FBLIM1: variants seen among roughly 807,000 people sequenced by gnomAD.
FBLIM1 encodes filamin-binding LIM protein 1.
A neutral mutation model predicts 37.4 loss-of-function variants in FBLIM1; 29 were observed. The ratio of observed to expected loss-of-function variants is 0.77; its 90% CI spans 0.58 to 1.06. FBLIM1 has a LOEUF of 1.06. FBLIM1 is among the 50% of genes least tolerant of loss of function. The probability of loss-of-function intolerance (pLI) is 0.00; values close to 1 mark genes in which losing one functional copy is unlikely to be tolerated. For synonymous variants in FBLIM1, 193 were observed against 199.0 expected (o/e 0.97, Z 0.25); for missense variants, 449 against 505.6 (o/e 0.89, Z 1.07).
In FBLIM1 at chr1:15,765,942, G is replaced by T. The variant is rs116074605; in HGVS notation, c.250+709G>T. On this transcript the variant is annotated intron_variant, in intron 3 of 8. Transcript: ENST00000375766. The surrounding 1 kb of genome is among the most constrained non-coding windows in gnomAD (Gnocchi z 5.9). Reference sequence around the variant, plus strand: ...TCTCCAAGACCTGGTTCCTGACTCCGTGAGCTCATCGGAGCCTCTTTCTCT... The same window carrying T: ...TCTCCAAGACCTGGTTCCTGACTCCTTGAGCTCATCGGAGCCTCTTTCTCT... Among the ~76,000 whole-genome samples, 290 of 152,232 alleles carry T rather than the reference G, an allele frequency of 1.9e-3. 1 individual carries two copies. The highest frequency in any genetic ancestry group is 6.4e-3 in the African/African-American group (266 of 41,542).
chr1:15,769,822 G>C (rs979731575), intron 5 of FBLIM1, among the ~76,000 whole-genome samples: 1 of 152,056 alleles, frequency 6.6e-6, no homozygotes, highest in Non-Finnish European at 1.5e-5. Flanking sequence ...TTTTAGTAGA[G>C]ACAGGGTTTC....
At chr1:15,761,090 C>T (rs1446248035) in intron 1 of FBLIM1, among the ~76,000 whole-genome samples, 1 of 152,064 alleles carries the variant, frequency 6.6e-6, no homozygotes, top group Non-Finnish European at 1.5e-5. Flanking sequence ...CAGGCAGATC[C>T]GACTTCCCGG....
intron 7 of FBLIM1, among the ~76,000 whole-genome samples, chr1:15,776,502 G>A (rs1030276354): frequency 2.6e-5 from 4 of 152,088 alleles, no homozygotes; most frequent in East Asian, 1.9e-4. Flanking sequence ...ACAGATAACC[G>A]CTGGACTCAA....
intron 4 of FBLIM1, 61 bp downstream of exon 4, chr1:15,767,624 T>A: frequency 1.9e-6 from 1 of 532,302 alleles, no homozygotes; most frequent in Non-Finnish European, 3.2e-6. Context: ...GCACGGGGAG[T>A]CTGGGCCTTC....
chr1:15,773,789 A>G (rs1569839549), intron 6 of FBLIM1, among the ~76,000 whole-genome samples: 1 of 152,204 alleles, frequency 6.6e-6, no homozygotes, highest in East Asian at 1.9e-4. Context: ...AAAGACATCC[A>G]AACAGAAGGA....
intron 8 of FBLIM1, among the ~76,000 whole-genome samples, chr1:15,777,627 G>A (rs111403379): frequency 0.014 from 2,026 of 148,018 alleles, 57 homozygotes; most frequent in African/African-American, 0.044. Flanking sequence ...AGGCTGGAGC[G>A]AAGTGGTGCG....
At chr1:15,781,875 C>T (rs1337830623) in intron 8 of FBLIM1, among the ~76,000 whole-genome samples, 60 of 63,926 alleles carry the variant, frequency 9.4e-4, no homozygotes, top group Non-Finnish European at 1.3e-3. Context: ...CCTGCCACCA[C>T]GCCTGGCTAA....
chr1:15,781,538 AAT>A (rs1491020216), intron 8 of FBLIM1, among the ~76,000 whole-genome samples: 228 of 5,046 alleles, frequency 0.045, 14 homozygotes, highest in African/African-American at 0.12. Flanking sequence ...AAAAAAAAAA[AAT>A]AATGAGGCTC....
chr1:15,770,679 A>C (rs1283536511), intron 6 of FBLIM1, 101 bp downstream of exon 6: 20 of 1,352,394 alleles, frequency 1.5e-5, no homozygotes, highest in Non-Finnish European at 1.9e-5. Context: ...AGTAGGCACT[A>C]TTGACCCCTT....
intron 8 of FBLIM1, among the ~76,000 whole-genome samples, chr1:15,783,599 G>A: frequency 9.0e-6 from 1 of 111,116 alleles, no homozygotes; most frequent in Admixed American, 1.2e-4. Flanking sequence ...TTTTTGAGAT[G>A]GAGTCTCGCT....
At chr1:15,776,359 A>G (rs1305156681) in intron 7 of FBLIM1, among the ~76,000 whole-genome samples, 1 of 152,232 alleles carries the variant, frequency 6.6e-6, no homozygotes, top group Non-Finnish European at 1.5e-5. Context: ...CTAAGTACCC[A>G]AAGTCTCTCC....
chr1:15,758,780 A>G (rs2068517176), upstream of FBLIM1: 1 of 137,540 alleles, frequency 7.3e-6, no homozygotes, highest in African/African-American at 2.7e-5. The surrounding 1 kb of genome is among the most constrained non-coding windows in gnomAD (Gnocchi z 6.2). Flanking sequence ...AGGGGACGGG[A>G]GGCCCAGCGG....
At chr1:15,777,693 C>T (rs935670919) in intron 8 of FBLIM1, among the ~76,000 whole-genome samples, 1 of 151,862 alleles carries the variant, frequency 6.6e-6, no homozygotes, top group South Asian at 2.1e-4. Flanking sequence ...CTGCCTCAGC[C>T]TCCCGAGTAG....
At chr1:15,777,449 A>G (rs949707195) in intron 8 of FBLIM1, among the ~76,000 whole-genome samples, 162 bp downstream of exon 8, 1 of 151,988 alleles carries the variant, frequency 6.6e-6, no homozygotes, top group Admixed American at 6.6e-5. Context: ...ACCATAGTCT[A>G]TTATCAACTC....
In FBLIM1 at chr1:15,772,057, T is replaced by G. The variant is rs898244144; in HGVS notation, c.711+1479T>G. On this transcript the variant is annotated intron_variant, in intron 6 of 8. Transcript: ENST00000375766. ...GGATGGTTTGTGGTGGCATGTTGAG[T>G]GTGGTGACCACCCACAGCCGCATCC... 4.6e-5 allele frequency among the ~76,000 whole-genome samples: 7 copies of G among 152,178 alleles called. No homozygotes were observed. In the East Asian group the frequency reaches 5.8e-4, roughly 13 times the overall value.
At chr1:15,780,175 G>A (rs2069599709) in intron 8 of FBLIM1, among the ~76,000 whole-genome samples, 1 of 151,524 alleles carries the variant, frequency 6.6e-6, no homozygotes, top group African/African-American at 2.4e-5. Flanking sequence ...ACATGCATGA[G>A]CCACTGCGCA....
At position 15,765,082 on chromosome 1, in the gene FBLIM1, A is replaced by G. The variant is rs2068852953; in HGVS notation, c.99A>G (p.Ala33=). The change falls in exon 3 of 9, where the codon GCA becomes GCG. Residue 33 remains alanine (A), a synonymous_variant. Transcript: ENST00000375766. The surrounding 1 kb of genome is among the most constrained non-coding windows in gnomAD (Gnocchi z 5.9). ...CCGTGGCGGAGGAAGTGAGGCAGGC[A>G]GTTTGTGAGGCCCGGCGTGGCCGCC... ...DVAVAEEVRQ[A]VCEARRGRPW... 6.2e-7 allele frequency: 1 copy of G among 1,613,846 alleles called. No individual in the cohort carries two copies. Among genetic ancestry groups the G allele is most frequent in the Non-Finnish European group, 8.5e-7 (1 of 1,179,948 alleles).
intron 8 of FBLIM1, 33 bp downstream of exon 8, chr1:15,777,320 C>G: frequency 6.6e-7 from 1 of 1,524,728 alleles, no homozygotes; most frequent in Non-Finnish European, 9.1e-7. Flanking sequence ...AATAACATTC[C>G]ATTGCTGCGT....
chr1:15,764,596 G>A lies in FBLIM1; in HGVS notation c.-110G>A, dbSNP rs1403159232. The A allele has an allele frequency of 5.1e-6, 1 of 197,982 alleles. No homozygotes were observed. The highest frequency in any genetic ancestry group is 1.0e-5 in the Non-Finnish European group (1 of 98,770). The allele number at this position is 197,982 out of a possible 1,614,324, so 12.3% of individuals were successfully genotyped here. On this transcript the variant is annotated 5_prime_UTR_variant, in exon 2 of 9. Coordinates refer to ENST00000375766, the MANE Select transcript of FBLIM1 (RefSeq NM_017556.4). ...GGCCCAGCAGGCAGGCGGGACTCCA[G>A]ACTGGGAACGGAAGTCAGCCCTGCT...
Sources: gnomAD v4.1 joint callset for allele counts (sites outside exome capture counted in the v4.1 genomes callset) on GRCh38, gnomAD v4.1.1 for gene constraint, Gnocchi (gnomAD v3.1) non-coding constraint, MANE v1.5 for transcripts, NCBI Gene and HGNC (gene_info 2026-07-23, HGNC 2026-07-21) for gene names.